Variants in SMIM36 observed in about 807,000 individuals in gnomAD.
SMIM36 encodes small integral membrane protein 36.
rs1443239422 is a variant in SMIM36 at position 55,500,775 on chromosome 17, A to ATATAATATATTATTATATATTT, written c.*174+10082_*174+10103dup. Among the ~76,000 whole-genome samples the ATATAATATATTATTATATATTT allele has an allele frequency of 1.2e-4, 8 of 66,412 alleles. 3 individuals carry two copies. The highest frequency in any genetic ancestry group is 8.2e-4 in the African/African-American group (8 of 9,808). The allele number at this position is 66,412 out of a possible 152,430, so 43.6% of individuals were successfully genotyped here. A position where few individuals can be genotyped will look rare whatever the true frequency, so the allele number is the denominator to read the frequency against. On this transcript the variant is annotated intron_variant, in intron 1 of 4. Transcript: ENST00000636752. ...TCACTTATGTTTTATATTTTATAAT[A>ATATAATATATTATTATATATTT]TATAATATATTATTATATATTTTAT... is the stretch of plus-strand genomic sequence containing the variant.
chr17:55,476,820 G>A (rs372765201), intron 3 of SMIM36, among the ~76,000 whole-genome samples: 6 of 152,120 alleles, frequency 3.9e-5, no homozygotes, highest in African/African-American at 9.7e-5. Flanking sequence ...ACCCATCTCC[G>A]CCTCCCAAAG....
intron 4 of SMIM36, among the ~76,000 whole-genome samples, chr17:55,462,034 A>T (rs1236932927): frequency 6.6e-6 from 1 of 152,222 alleles, no homozygotes; most frequent in Non-Finnish European, 1.5e-5. Context: ...CTTGTTAAGA[A>T]GATAGTTAAA....
chr17:55,465,723 C>G (rs1485122552), intron 4 of SMIM36, among the ~76,000 whole-genome samples: 1 of 152,022 alleles, frequency 6.6e-6, no homozygotes, highest in Non-Finnish European at 1.5e-5. Context: ...GTTTCTGTGT[C>G]TTAGAATGGT....
Position 55,501,065 on chromosome 17 carries a change from T to C in SMIM36, c.*174+9814A>G, listed in dbSNP as rs1354960255. Among the ~76,000 whole-genome samples, 9 of 64,870 alleles carry C rather than the reference T, an allele frequency of 1.4e-4. 3 individuals carry two copies. The highest frequency in any genetic ancestry group is 5.3e-4 in the African/African-American group (9 of 16,948). 42.6% of individuals were successfully genotyped at this position (64,870 alleles called of 152,430 possible). A position where few individuals can be genotyped will look rare whatever the true frequency, so the allele number is the denominator to read the frequency against. On this transcript the variant is annotated intron_variant, in intron 1 of 4. Transcript: ENST00000636752. ...TATATTATAATATATAATATATTAT[T>C]ATATATTATAATATATAATATACTA...
At chr17:55,472,273 A>G (rs1909351516) in intron 3 of SMIM36, among the ~76,000 whole-genome samples, 1 of 152,178 alleles carries the variant, frequency 6.6e-6, no homozygotes, top group Admixed American at 6.5e-5. Flanking sequence ...CACCTCCATT[A>G]TCGAAGCTGC....
chr17:55,454,772 A>G (rs917815133), intron 4 of SMIM36, among the ~76,000 whole-genome samples: 8 of 152,254 alleles, frequency 5.3e-5, no homozygotes, highest in African/African-American at 1.9e-4. Flanking sequence ...TGAGGAAAAC[A>G]TAATACAGAA....
chr17:55,462,781 G>A (rs1476208947), intron 4 of SMIM36, among the ~76,000 whole-genome samples: 2 of 152,154 alleles, frequency 1.3e-5, no homozygotes, highest in East Asian at 3.8e-4. Context: ...GGGTTAGAAT[G>A]CACAATCTAA....
chr17:55,463,752 T>C (rs187480166), intron 4 of SMIM36, among the ~76,000 whole-genome samples: 70 of 152,174 alleles, frequency 4.6e-4, no homozygotes, highest in African/African-American at 1.6e-3. Context: ...CTGGGTAATC[T>C]GTGTTTTTTT....
chr17:55,473,345 G>A (rs1431096846), intron 3 of SMIM36, among the ~76,000 whole-genome samples: 7 of 152,166 alleles, frequency 4.6e-5, no homozygotes, highest in South Asian at 2.1e-4. Context: ...TTGACTTTCC[G>A]TAAATTTAAA....
upstream of SMIM36, chr17:55,511,528 C>T (rs1041181796): frequency 5.7e-6 from 2 of 352,850 alleles, no homozygotes; most frequent in African/African-American, 4.2e-5. Context: ...CTGTTAATAC[C>T]ACAGCCACCA....
chr17:55,456,187 G>C (rs941408020), intron 4 of SMIM36, among the ~76,000 whole-genome samples: 2 of 148,848 alleles, frequency 1.3e-5, no homozygotes, highest in African/African-American at 4.9e-5. Flanking sequence ...CCCTCATCAG[G>C]TCTTTTCTTG....
At chr17:55,453,293 G>A (rs994575771) in intron 4 of SMIM36, among the ~76,000 whole-genome samples, 4 of 149,704 alleles carry the variant, frequency 2.7e-5, no homozygotes, top group Non-Finnish European at 5.9e-5. Context: ...CCCCAGCCTG[G>A]GTGACATAAA....
intron 3 of SMIM36, among the ~76,000 whole-genome samples, chr17:55,470,182 T>A (rs1185569243): frequency 6.6e-6 from 1 of 152,152 alleles, no homozygotes. Flanking sequence ...ACTGTCCATC[T>A]TGCCCAGCAG....
chr17:55,460,455 A>AAAAAAAAAAAAAAAAAAC (rs1567862737), intron 4 of SMIM36, among the ~76,000 whole-genome samples: 7 of 148,804 alleles, frequency 4.7e-5, no homozygotes, highest in African/African-American at 1.3e-4. Context: ...AACAAAACAA[A>AAAAAAAAAAAAAAAAAAC]AAAAAAGAAC....
chr17:55,470,291 C>T (rs901148462), intron 3 of SMIM36, among the ~76,000 whole-genome samples: 3 of 152,214 alleles, frequency 2.0e-5, no homozygotes, highest in African/African-American at 7.2e-5. Flanking sequence ...CCCAGATCTT[C>T]TCTGCTTAGT....
At chr17:55,459,533 C>T (rs1909098196) in intron 4 of SMIM36, among the ~76,000 whole-genome samples, 3 of 152,200 alleles carry the variant, frequency 2.0e-5, no homozygotes, top group Admixed American at 6.5e-5. Flanking sequence ...GGTAGGTCTA[C>T]TGTTAGAAAT....
At chr17:55,469,183 C>A (rs994248273) in intron 3 of SMIM36, among the ~76,000 whole-genome samples, 1 of 152,110 alleles carries the variant, frequency 6.6e-6, no homozygotes, top group East Asian at 1.9e-4. Flanking sequence ...TCCACTCCCC[C>A]ACCCTATAAT....
chr17:55,498,999 C>CAAAAAA (rs60117513), intron 1 of SMIM36, among the ~76,000 whole-genome samples: 7 of 67,042 alleles, frequency 1.0e-4, no homozygotes, highest in Admixed American at 4.2e-4. Flanking sequence ...ACTCTGTCAC[C>CAAAAAA]AAAAAAAAAA....
intron 1 of SMIM36, among the ~76,000 whole-genome samples, chr17:55,498,075 G>A (rs541913638): frequency 1.3e-5 from 2 of 152,268 alleles, no homozygotes; most frequent in South Asian, 4.1e-4. Context: ...TGTATTCCAA[G>A]CCTCTCTTCT....
Sources: gnomAD v4.1 joint callset for allele counts (sites outside exome capture counted in the v4.1 genomes callset) on GRCh38, gnomAD v4.1.1 for gene constraint, MANE v1.5 for transcripts, NCBI Gene and HGNC (gene_info 2026-07-23, HGNC 2026-07-21) for gene names.